Variants in RGS8 observed in about 807,000 individuals in gnomAD.
RGS8 encodes regulator of G-protein signaling 8.
In RGS8, 8 loss-of-function variants were observed where a neutral mutation model predicts 21.7. The ratio of observed to expected loss-of-function variants is 0.37; its 90% CI spans 0.22 to 0.66. The LOEUF (loss-of-function observed/expected upper bound fraction) is 0.66, where lower values mean the gene tolerates loss of function less well. Among genes scored for constraint, RGS8 ranks in the 30% least tolerant of loss-of-function variants. The pLI, the probability that RGS8 is intolerant of heterozygous loss-of-function variation, is 0.59. For missense variants in RGS8, 157 were observed against 217.9 expected (o/e 0.72, Z 1.76); for synonymous variants, 80 against 83.6 (o/e 0.96, Z 0.24).
intron 3 of RGS8, among the ~76,000 whole-genome samples, chr1:182,667,808 C>T (rs887188599): frequency 3.9e-5 from 6 of 152,270 alleles, no homozygotes; most frequent in African/African-American, 1.4e-4. Flanking sequence ...TGACTCCCAA[C>T]ATTAGTCTCC....
chr1:182,673,974 C>A (rs1189085901), upstream of RGS8, among the ~76,000 whole-genome samples: 1 of 152,220 alleles, frequency 6.6e-6, no homozygotes, highest in Non-Finnish European at 1.5e-5. Flanking sequence ...AACAAATTTA[C>A]AAAGCCAACA....
intron 5 of RGS8, among the ~76,000 whole-genome samples, chr1:182,649,865 C>A (rs1293160623): frequency 1.3e-5 from 2 of 148,720 alleles, no homozygotes; most frequent in Non-Finnish European, 3.0e-5. Context: ...TCTTTTATTT[C>A]TTTTCTAAAA....
At chr1:182,660,612 T>C (rs1461507456) in intron 5 of RGS8, among the ~76,000 whole-genome samples, 1 of 150,932 alleles carries the variant, frequency 6.6e-6, no homozygotes, top group African/African-American at 2.4e-5. Context: ...ATTCACAATG[T>C]ACTGCTAGGG....
chr1:182,735,622 A>G, the RGS8 span, among the ~76,000 whole-genome samples: 1 of 152,246 alleles, frequency 6.6e-6, no homozygotes, highest in Admixed American at 6.5e-5. Context: ...AGCAGGGACA[A>G]CACAGGGCTT....
downstream of RGS8, chr1:182,642,469 C>A (rs1662509234): frequency 6.6e-6 from 1 of 152,376 alleles, no homozygotes; most frequent in African/African-American, 2.4e-5. Flanking sequence ...CACCCTGCCT[C>A]TGCATTTGCT....
At position 182,647,960 on chromosome 1, in the gene RGS8, GAAACCCTGGGTTTCA is replaced by G. The variant is rs1447338447; in HGVS notation, c.360+162_360+176del. ...CACTCCTAATGGAGCTCCTTTGATG[GAAACCCTGGGTTTCA>G]GTTTCTTAAAAATGATCCTTTTTTC... On this transcript the variant is annotated intron_variant, in intron 6 of 6. Coordinates refer to ENST00000483095, the Ensembl canonical transcript of RGS8. Among the ~76,000 whole-genome samples the G allele has an allele frequency of 2.6e-5, 4 of 152,270 alleles. No homozygotes were observed. The East Asian group carries it at 7.7e-4, about 29-fold the overall frequency.
chr1:182,735,450 C>T, the RGS8 span, among the ~76,000 whole-genome samples: 1 of 152,082 alleles, frequency 6.6e-6, no homozygotes, highest in South Asian at 2.1e-4. Context: ...AAGACCAATG[C>T]TTTGAATAAC....
chr1:182,657,509 G>C (rs376881384), intron 5 of RGS8, among the ~76,000 whole-genome samples: 1 of 152,030 alleles, frequency 6.6e-6, no homozygotes, highest in South Asian at 2.1e-4. Context: ...CCCAGACCCT[G>C]CTCCCTCCCC....
chr1:182,749,081 A>G, the RGS8 span, among the ~76,000 whole-genome samples: 1 of 152,142 alleles, frequency 6.6e-6, no homozygotes, highest in Non-Finnish European at 1.5e-5. Context: ...GCTGTGCAGA[A>G]GCTTTTTAGT....
intron 1 of RGS8, among the ~76,000 whole-genome samples, chr1:182,678,007 T>C (rs906057716): frequency 2.0e-5 from 3 of 152,214 alleles, no homozygotes; most frequent in Non-Finnish European, 4.4e-5. Context: ...CTGATTCAAA[T>C]GTAAAATTTT....
chr1:182,694,803 T>C, the RGS8 span, among the ~76,000 whole-genome samples: 26 of 145,000 alleles, frequency 1.8e-4, no homozygotes, highest in South Asian at 8.8e-4. Flanking sequence ...GCAAGACTCC[T>C]ACTCAAAAAA....
At chr1:182,728,096 G>A in the RGS8 span, among the ~76,000 whole-genome samples, 3 of 152,148 alleles carry the variant, frequency 2.0e-5, no homozygotes, top group African/African-American at 7.2e-5. Context: ...TTTGGTGGTG[G>A]TAAACTAAAT....
chr1:182,730,025 A>G, the RGS8 span, among the ~76,000 whole-genome samples: 3 of 152,234 alleles, frequency 2.0e-5, no homozygotes, highest in Non-Finnish European at 2.9e-5. Context: ...TCAGGCATAT[A>G]AGGGTCAGGT....
At chr1:182,688,308 G>A (rs1014521895), upstream of RGS8, among the ~76,000 whole-genome samples, 4 of 152,320 alleles carry the variant, frequency 2.6e-5, no homozygotes, top group East Asian at 7.7e-4. Context: ...GCCCTCTGCA[G>A]TGCCTGTTAC....
chr1:182,685,988 C>T (rs536633552), upstream of RGS8, among the ~76,000 whole-genome samples: 39 of 152,116 alleles, frequency 2.6e-4, no homozygotes, highest in African/African-American at 8.4e-4. Context: ...TGGGGGAGCA[C>T]GGAGGAAGGG....
the RGS8 span, among the ~76,000 whole-genome samples, chr1:182,723,552 C>T: frequency 2.0e-5 from 3 of 152,196 alleles, no homozygotes. Context: ...GTGCTTAAGA[C>T]AGAAATTGCA....
the RGS8 span, among the ~76,000 whole-genome samples, chr1:182,695,605 TGC>T: frequency 6.6e-6 from 1 of 152,192 alleles, no homozygotes; most frequent in Non-Finnish European, 1.5e-5. Context: ...TACAGGCACA[TGC>T]TGATGCACCT....
At chr1:182,705,233 C>A in the RGS8 span, among the ~76,000 whole-genome samples, 238 of 152,146 alleles carry the variant, frequency 1.6e-3, no homozygotes, top group Non-Finnish European at 2.8e-3. Flanking sequence ...TGGTAAAAAC[C>A]CCAGTTCAAG....
exon 7 of RGS8, chr1:182,646,638 A>C: frequency 7.1e-6 from 8 of 1,128,750 alleles, no homozygotes; most frequent in South Asian, 1.6e-5. Flanking sequence ...CCCCAATGCC[A>C]CCGCTTTTGA....
Sources: allele counts gnomAD v4.1 joint callset (sites outside exome capture counted in the v4.1 genomes callset), GRCh38; gene constraint gnomAD v4.1.1; transcripts MANE v1.5; gene names NCBI Gene and HGNC (gene_info 2026-07-23, HGNC 2026-07-21).